LTBP1: variants seen among roughly 807,000 people sequenced by gnomAD.
LTBP1 encodes latent transforming growth factor beta binding protein 1.
A neutral mutation model predicts 207.6 loss-of-function variants in LTBP1; 129 were observed. The observed-to-expected ratio is 0.62, with a 90% CI of 0.54 to 0.72. The LOEUF (loss-of-function observed/expected upper bound fraction) is 0.72. Among genes scored for constraint, LTBP1 ranks in the 30% least tolerant of loss-of-function variants. LTBP1 has a pLI of 0.00. For synonymous variants in LTBP1, 963 were observed against 833.7 expected (o/e 1.16, Z -2.67); for missense variants, 2,281 against 2,217.2 (o/e 1.03, Z -0.58).
chr2:33,284,422 C>G (rs1181090687), intron 19 of LTBP1, among the ~76,000 whole-genome samples: 1 of 152,184 alleles, frequency 6.6e-6, no homozygotes, highest in Admixed American at 6.5e-5. Context: ...GTAGCTTCTT[C>G]TTTCAAGTCG....
chr2:33,243,348 C>G (rs79347419), intron 9 of LTBP1, among the ~76,000 whole-genome samples: 2,927 of 152,230 alleles, frequency 0.019, 44 homozygotes, highest in Middle Eastern at 0.1. Flanking sequence ...TTTGCCTTAC[C>G]TATATGCTCC....
rs780527760 is a variant in LTBP1 at position 33,275,946 on chromosome 2, G to A, written c.2992+23G>A. 5 of 1,554,256 alleles carry A rather than the reference G, an allele frequency of 3.2e-6. No homozygotes were observed. In the South Asian group the frequency reaches 5.0e-5, roughly 16 times the overall value. ...AGGGTGAGTCAGCTGAGAGTGTTCA[G>A]CACACATGACGGTGATGTGCAGGGT... On this transcript the variant is annotated intron_variant, in intron 18 of 33. Coordinates refer to ENST00000404816, the MANE Select transcript of LTBP1 (RefSeq NM_206943.4).
chr2:32,969,326 T>C (rs1292505782), intron 2 of LTBP1, among the ~76,000 whole-genome samples: 3 of 120,610 alleles, frequency 2.5e-5, no homozygotes, highest in East Asian at 4.2e-4. Flanking sequence ...AGGTTTGTTA[T>C]ATAGGTAAAT....
At chr2:32,992,072 C>T (rs534670639) in intron 2 of LTBP1, among the ~76,000 whole-genome samples, 47 of 152,194 alleles carry the variant, frequency 3.1e-4, no homozygotes, top group Admixed American at 1.9e-3. Flanking sequence ...TGCTTCTCTC[C>T]GATAAGATCT....
At chr2:33,143,335 G>C (rs1401208184) in intron 5 of LTBP1, among the ~76,000 whole-genome samples, 7 of 152,212 alleles carry the variant, frequency 4.6e-5, no homozygotes, top group African/African-American at 1.7e-4. Context: ...TCCAGTGCCA[G>C]CACAGTGCCT....
At chr2:33,228,040 C>T (rs530677735) in intron 9 of LTBP1, among the ~76,000 whole-genome samples, 4 of 151,890 alleles carry the variant, frequency 2.6e-5, no homozygotes, top group Non-Finnish European at 5.9e-5. Flanking sequence ...CTCCTGACCT[C>T]GTGATCCGCC....
At chr2:33,204,669 T>C (rs998919895) in intron 7 of LTBP1, among the ~76,000 whole-genome samples, 1 of 152,100 alleles carries the variant, frequency 6.6e-6, no homozygotes, top group Non-Finnish European at 1.5e-5. Context: ...AAGCTCAAAC[T>C]CTCGGGCTCA....
At chr2:32,998,512 TAAAAAAAAAAAAAAAAAA>T (rs769287082) in intron 2 of LTBP1, among the ~76,000 whole-genome samples, 5 of 29,268 alleles carry the variant, frequency 1.7e-4, no homozygotes, top group East Asian at 1.8e-3. Flanking sequence ...GACTCCATCT[TAAAAAAAAAAAAAAAAAA>T]AAAAAAAAAA....
chr2:32,961,605 C>A (rs902123259), intron 2 of LTBP1, among the ~76,000 whole-genome samples: 5 of 152,150 alleles, frequency 3.3e-5, no homozygotes, highest in African/African-American at 1.2e-4. Context: ...TTGACTCCGC[C>A]TGCCATTTTG....
chr2:33,046,015 C>T (rs2076424175), intron 3 of LTBP1, among the ~76,000 whole-genome samples: 1 of 152,166 alleles, frequency 6.6e-6, no homozygotes, highest in Non-Finnish European at 1.5e-5. Context: ...AGATTTTGGG[C>T]TGAGACGATG....
At chr2:33,119,637 A>C (rs6724715) in intron 4 of LTBP1, among the ~76,000 whole-genome samples, 3,741 of 152,206 alleles carry the variant, frequency 0.025, 126 homozygotes, top group African/African-American at 0.079. Flanking sequence ...GCTTACTGCA[A>C]GCTCCGCCTC....
chr2:33,149,238 A>AAC (rs2083315172), intron 5 of LTBP1, among the ~76,000 whole-genome samples: 1 of 144,330 alleles, frequency 6.9e-6, no homozygotes, highest in Non-Finnish European at 1.6e-5. Flanking sequence ...CAAAAAAAAA[A>AAC]AAAAAAAAAA....
chr2:33,267,636 T>C (rs2093216816), intron 15 of LTBP1, among the ~76,000 whole-genome samples: 1 of 152,216 alleles, frequency 6.6e-6, no homozygotes, highest in Non-Finnish European at 1.5e-5. Context: ...AGTAAGACAT[T>C]GTAATTTACT....
chr2:33,093,584 T>C (rs1204745334), intron 3 of LTBP1, among the ~76,000 whole-genome samples: 1 of 152,206 alleles, frequency 6.6e-6, no homozygotes, highest in African/African-American at 2.4e-5. Context: ...CTTGATTTCA[T>C]TCTTAAGACC....
chr2:33,239,960 T>C (rs998879071), intron 9 of LTBP1, among the ~76,000 whole-genome samples: 2 of 151,734 alleles, frequency 1.3e-5, no homozygotes, highest in Admixed American at 1.3e-4. Context: ...CCTGAAACAC[T>C]ATATTGTTAT....
At chr2:32,957,619 CA>C (rs1678302637) in intron 2 of LTBP1, among the ~76,000 whole-genome samples, 1 of 152,106 alleles carries the variant, frequency 6.6e-6, no homozygotes, top group Non-Finnish European at 1.5e-5. Flanking sequence ...CTGTAACAGA[CA>C]CATTAATAAT....
At chr2:33,055,102 G>A (rs1045067951) in intron 3 of LTBP1, among the ~76,000 whole-genome samples, 2 of 152,054 alleles carry the variant, frequency 1.3e-5, no homozygotes, top group African/African-American at 4.8e-5. Context: ...CTCTGATCTC[G>A]CTTTTCCTTT....
Position 32,947,796 on chromosome 2 carries a change from C to G in LTBP1, c.472C>G (p.His158Asp). The G allele has an allele frequency of 1.4e-6, 2 of 1,470,520 alleles. No individual in the cohort carries two copies. The highest frequency in any genetic ancestry group is 1.8e-6 in the Non-Finnish European group (2 of 1,106,222). The allele number at this position is 1,470,520 out of a possible 1,614,324, so 91.1% of individuals were successfully genotyped here. A position where few individuals can be genotyped will look rare whatever the true frequency, so the allele number is the denominator to read the frequency against. The part of the protein sequence containing the change: ...QSGGGSRLQV[H>D]QKQQLQGVNV... ...CGGCGGAGGCTCTAGGCTGCAGGTTCACCAGAAGCAGCAGCTGCAGGGGTA... is the reference window on the plus strand; with the variant it reads ...CGGCGGAGGCTCTAGGCTGCAGGTTGACCAGAAGCAGCAGCTGCAGGGGTA... The change falls in exon 1 of 34, where the codon CAC becomes GAC. Residue 158 changes from histidine to aspartate, a missense_variant. His to Asp is a moderately conservative substitution (Grantham distance 81). Coordinates refer to ENST00000404816, the MANE Select transcript of LTBP1 (RefSeq NM_206943.4).
chr2:33,342,612 C>G (rs1242392697), intron 24 of LTBP1, among the ~76,000 whole-genome samples: 1 of 152,224 alleles, frequency 6.6e-6, no homozygotes, highest in Admixed American at 6.5e-5. Flanking sequence ...AGGAAAAGTA[C>G]TAAATGTTTT....
Sources: allele counts gnomAD v4.1 joint callset (sites outside exome capture counted in the v4.1 genomes callset), GRCh38; gene constraint gnomAD v4.1.1; transcripts MANE v1.5; gene names NCBI Gene and HGNC (gene_info 2026-07-23, HGNC 2026-07-21).